Variants in FGD4 observed in about 807,000 individuals in gnomAD.
FGD4 encodes the protein FYVE, RhoGEF and PH domain containing 4.
FGD4 carries 42 observed loss-of-function variants against 102.0 expected under a neutral mutation model. That is an observed-to-expected ratio of 0.41 (90% CI 0.32 to 0.53). The LOEUF is 0.53. FGD4 is among the 20% of genes least tolerant of loss of function. The pLI is 0.21. For missense variants in FGD4, 902 were observed against 1,078.2 expected (o/e 0.84, Z 2.29); for synonymous variants, 380 against 375.7 (o/e 1.01, Z -0.13).
intron 1 of FGD4, among the ~76,000 whole-genome samples, chr12:32,409,359 G>T (rs557749271): frequency 7.0e-6 from 1 of 142,182 alleles, no homozygotes; most frequent in Non-Finnish European, 1.5e-5. Flanking sequence ...TGCGATCTCC[G>T]CTCCCTGCAA....
chr12:32,634,986 C>CA (rs35144247), intron 15 of FGD4, among the ~76,000 whole-genome samples: 288 of 148,940 alleles, frequency 1.9e-3, no homozygotes, highest in African/African-American at 6.4e-3. Context: ...GACTCTGTCT[C>CA]AAAAAAAAAA....
At chr12:32,497,404 G>T (rs763338063) in intron 1 of FGD4, among the ~76,000 whole-genome samples, 4 of 152,060 alleles carry the variant, frequency 2.6e-5, no homozygotes, top group Non-Finnish European at 5.9e-5. Flanking sequence ...AAGTTTCATA[G>T]AATATTAACC....
chr12:32,433,687 C>T (rs957158899), intron 1 of FGD4, among the ~76,000 whole-genome samples: 4 of 152,014 alleles, frequency 2.6e-5, no homozygotes, highest in African/African-American at 7.2e-5. Context: ...TTTTATGTAA[C>T]GAAGCATCCT....
chr12:32,618,618 G>T (rs942620774), intron 10 of FGD4, among the ~76,000 whole-genome samples: 1 of 152,058 alleles, frequency 6.6e-6, no homozygotes, highest in Admixed American at 6.6e-5. Flanking sequence ...TATTATTTGA[G>T]ACCAGGAGTT....
intron 2 of FGD4, among the ~76,000 whole-genome samples, chr12:32,568,128 A>G (rs1945342873): frequency 6.6e-6 from 1 of 152,254 alleles, no homozygotes; most frequent in Non-Finnish European, 1.5e-5. Context: ...AGAATTATTT[A>G]TAGGTTTTTA....
intron 1 of FGD4, among the ~76,000 whole-genome samples, chr12:32,522,593 G>T (rs7295095): frequency 0.43 from 65,438 of 152,052 alleles, 15,179 homozygotes; most frequent in African/African-American, 0.6. Flanking sequence ...TTATTTTCTT[G>T]AAGTCTCAGA....
chr12:32,632,687 ATT>A (rs201220345), intron 14 of FGD4, among the ~76,000 whole-genome samples: 21 of 144,854 alleles, frequency 1.4e-4, no homozygotes, highest in African/African-American at 4.6e-4. Context: ...TTTTATTTTT[ATT>A]TTTATTTATT....
intron 10 of FGD4, 96 bp from the exon 11 acceptor site, chr12:32,619,602 A>T: frequency 7.2e-7 from 1 of 1,384,706 alleles, no homozygotes; most frequent in Non-Finnish European, 1.0e-6. Flanking sequence ...ATTACACTCC[A>T]GCCTGGGCAA....
At chr12:32,607,595 C>T (rs57345108) in intron 7 of FGD4, among the ~76,000 whole-genome samples, 18,926 of 152,184 alleles carry the variant, frequency 0.12, 3,933 homozygotes, top group African/African-American at 0.43. Context: ...CTGAAACCTC[C>T]GCCTCCCAGG....
intron 1 of FGD4, among the ~76,000 whole-genome samples, chr12:32,419,454 A>G (rs1384755861): frequency 6.6e-6 from 1 of 152,124 alleles, no homozygotes; most frequent in Non-Finnish European, 1.5e-5. Flanking sequence ...GTTAAGTTAA[A>G]GTGCCCCAGT....
chr12:32,596,753 T>C (rs1359623248), intron 4 of FGD4, among the ~76,000 whole-genome samples: 1 of 151,820 alleles, frequency 6.6e-6, no homozygotes, highest in Non-Finnish European at 1.5e-5. Context: ...CTGACCAACA[T>C]GGAGAAACCT....
At chr12:32,583,144 C>T (rs1478923138) in intron 4 of FGD4, among the ~76,000 whole-genome samples, 1 of 152,116 alleles carries the variant, frequency 6.6e-6, no homozygotes, top group Non-Finnish European at 1.5e-5. Context: ...CAAGACCAGT[C>T]TGGGCAACAT....
At chr12:32,517,673 G>T (rs1940037107) in intron 1 of FGD4, among the ~76,000 whole-genome samples, 1 of 152,110 alleles carries the variant, frequency 6.6e-6, no homozygotes, top group Non-Finnish European at 1.5e-5. Flanking sequence ...CAGGAGAATT[G>T]CTTGAGCCCA....
At chr12:32,433,009 T>A (rs568206929) in intron 1 of FGD4, among the ~76,000 whole-genome samples, 2 of 152,226 alleles carry the variant, frequency 1.3e-5, no homozygotes, top group African/African-American at 4.8e-5. Context: ...TTTTTTTTTT[T>A]ATTTTGAGAC....
chr12:32,444,138 C>T (rs1942539800), intron 1 of FGD4, among the ~76,000 whole-genome samples: 1 of 151,680 alleles, frequency 6.6e-6, no homozygotes, highest in Non-Finnish European at 1.5e-5. Flanking sequence ...AATGCTCCAC[C>T]TCAGCCTCCC....
chr12:32,603,251 C>G (rs1235055703), intron 7 of FGD4, among the ~76,000 whole-genome samples: 1 of 152,172 alleles, frequency 6.6e-6, no homozygotes, highest in Non-Finnish European at 1.5e-5. Context: ...AAGTTTCTTT[C>G]AGCATACATG....
intron 1 of FGD4, among the ~76,000 whole-genome samples, chr12:32,422,249 AT>A (rs899003879): frequency 1.6e-4 from 16 of 100,708 alleles, no homozygotes; most frequent in African/African-American, 3.8e-4. Flanking sequence ...TAAAATGTGC[AT>A]TTTTTTTTCA....
At chr12:32,485,965 TC>T in intron 1 of FGD4, 1 of 1,321,676 alleles carries the variant, frequency 7.6e-7, no homozygotes, top group East Asian at 3.0e-5. Flanking sequence ...ACTCTGTACT[TC>T]CCATTAGTTA....
At chr12:32,528,256 A>G (rs1365449817) in intron 1 of FGD4, among the ~76,000 whole-genome samples, 1 of 152,212 alleles carries the variant, frequency 6.6e-6, no homozygotes, top group African/African-American at 2.4e-5. Flanking sequence ...TCTTCTTAAC[A>G]GTACCGAGTT....
Sources: gnomAD v4.1 joint callset for allele counts (sites outside exome capture counted in the v4.1 genomes callset) on GRCh38, gnomAD v4.1.1 for gene constraint, MANE v1.5 for transcripts, NCBI Gene and HGNC (gene_info 2026-07-23, HGNC 2026-07-21) for gene names.